LYPD6: variants seen among roughly 807,000 people sequenced by gnomAD.
LYPD6 encodes ly6/PLAUR domain-containing protein 6.
LYPD6 carries 15 observed loss-of-function variants against 22.7 expected under a neutral mutation model. That is an observed-to-expected ratio of 0.66 (90% CI 0.44 to 1.02). The LOEUF is 1.02. LYPD6 is among the 50% of genes least tolerant of loss of function. The probability of loss-of-function intolerance (pLI) is 0.00; values close to 1 mark genes in which losing one functional copy is unlikely to be tolerated. For synonymous variants in LYPD6, 72 were observed against 77.5 expected (o/e 0.93, Z 0.37); for missense variants, 189 against 208.4 (o/e 0.91, Z 0.57).
intron 1 of LYPD6, among the ~76,000 whole-genome samples, chr2:149,415,866 G>C (rs1026266364): frequency 1.3e-5 from 2 of 151,942 alleles, no homozygotes; most frequent in Non-Finnish European, 2.9e-5. Flanking sequence ...TTTTTGTAGA[G>C]ATGGGGTTTC....
At chr2:149,382,227 C>T (rs2105088865) in intron 1 of LYPD6, among the ~76,000 whole-genome samples, 1 of 152,188 alleles carries the variant, frequency 6.6e-6, no homozygotes, top group South Asian at 2.1e-4. Context: ...GTTATAATTT[C>T]CTTAAGTGCA....
chr2:149,336,884 C>T (rs907021484), intron 1 of LYPD6, among the ~76,000 whole-genome samples: 23 of 151,340 alleles, frequency 1.5e-4, no homozygotes, highest in East Asian at 7.7e-4. Flanking sequence ...GCCTTTTTCT[C>T]CCCTCTGAAT....
intron 3 of LYPD6, among the ~76,000 whole-genome samples, chr2:149,458,760 T>C (rs1681022833): frequency 1.3e-5 from 2 of 152,322 alleles, no homozygotes; most frequent in Middle Eastern, 3.4e-3. Flanking sequence ...AAATGGAAAT[T>C]GTACAATTGT....
intron 1 of LYPD6, among the ~76,000 whole-genome samples, chr2:149,371,449 A>C (rs1681807137): frequency 6.6e-6 from 1 of 152,212 alleles, no homozygotes; most frequent in African/African-American, 2.4e-5. Flanking sequence ...ATTCTAAAGC[A>C]GTATTTTTTC....
intron 1 of LYPD6, among the ~76,000 whole-genome samples, chr2:149,372,915 C>T (rs1019433565): frequency 6.6e-6 from 1 of 152,108 alleles, no homozygotes; most frequent in Non-Finnish European, 1.5e-5. Flanking sequence ...CCCATCATTC[C>T]CTAAGATTGC....
chr2:149,463,372 GA>G (rs1681128551), intron 3 of LYPD6, among the ~76,000 whole-genome samples: 1 of 152,006 alleles, frequency 6.6e-6, no homozygotes, highest in African/African-American at 2.4e-5. Context: ...TAAAGAATAA[GA>G]AAAATGCCAC....
chr2:149,462,533 G>A (rs1436591392), intron 3 of LYPD6, among the ~76,000 whole-genome samples: 1 of 150,594 alleles, frequency 6.6e-6, no homozygotes, highest in Non-Finnish European at 1.5e-5. Flanking sequence ...ATCCCAGGAA[G>A]ATTTTTTTTT....
At position 149,468,741 on chromosome 2, in the gene LYPD6, C is replaced by T; in HGVS notation, c.314C>T (p.Thr105Ile). The T allele has an allele frequency of 6.2e-7, 1 of 1,613,670 alleles. No homozygotes were observed. The change falls in exon 4 of 5, where the codon ACT becomes ATT. Residue 105 changes from threonine to isoleucine, a missense_variant. By Grantham distance (89) the Thr-to-Ile change is moderately conservative (BLOSUM62 -1). Coordinates refer to ENST00000334166, the MANE Select transcript of LYPD6 (RefSeq NM_194317.5). ...RCVPLEECLSTGCRDSEHEGH... is the reference protein window; with the variant it reads ...RCVPLEECLSIGCRDSEHEGH... Reference sequence around the variant, plus strand: ...GTCCCACTGGAAGAGTGCTTATCCACTGGCTGCAGAGACTCCGAGCATGAA... The same window carrying T: ...GTCCCACTGGAAGAGTGCTTATCCATTGGCTGCAGAGACTCCGAGCATGAA...
intron 1 of LYPD6, among the ~76,000 whole-genome samples, chr2:149,372,363 T>G (rs1173627752): frequency 2.0e-5 from 3 of 152,214 alleles, no homozygotes; most frequent in Non-Finnish European, 4.4e-5. Context: ...CTGTTTGAAT[T>G]TAAAGACTGG....
At chr2:149,412,422 A>T (rs1173313846) in intron 1 of LYPD6, among the ~76,000 whole-genome samples, 1 of 151,870 alleles carries the variant, frequency 6.6e-6, no homozygotes, top group Non-Finnish European at 1.5e-5. Flanking sequence ...TCATGATCTA[A>T]TCTTCAAGTT....
intron 3 of LYPD6, among the ~76,000 whole-genome samples, chr2:149,451,496 G>A (rs1245861872): frequency 6.6e-6 from 1 of 152,172 alleles, no homozygotes; most frequent in African/African-American, 2.4e-5. Context: ...AAAAAGGAAT[G>A]TGAACTGGTA....
At chr2:149,484,556 C>T in the LYPD6 span, among the ~76,000 whole-genome samples, 1 of 152,012 alleles carries the variant, frequency 6.6e-6, no homozygotes, top group African/African-American at 2.4e-5. Flanking sequence ...TAGCTACCCC[C>T]GTAGTCCATG....
intron 1 of LYPD6, among the ~76,000 whole-genome samples, chr2:149,348,993 G>C (rs189130932): frequency 6.6e-6 from 1 of 152,254 alleles, no homozygotes; most frequent in Non-Finnish European, 1.5e-5. Context: ...ATGCTTCTAA[G>C]GTTTGGGACC....
intron 1 of LYPD6, among the ~76,000 whole-genome samples, chr2:149,420,344 T>C (rs1215701633): frequency 6.6e-6 from 1 of 152,228 alleles, no homozygotes; most frequent in Non-Finnish European, 1.5e-5. Context: ...TTCTGGTTGC[T>C]CCATGCTGCC....
chr2:149,385,078 G>T (rs550784586), intron 1 of LYPD6, among the ~76,000 whole-genome samples: 1 of 151,976 alleles, frequency 6.6e-6, no homozygotes, highest in Non-Finnish European at 1.5e-5. Context: ...CAGTAGCTTC[G>T]TGGGACCATC....
intron 1 of LYPD6, among the ~76,000 whole-genome samples, chr2:149,353,446 G>A (rs1681394794): frequency 6.6e-6 from 1 of 152,168 alleles, no homozygotes; most frequent in Non-Finnish European, 1.5e-5. Flanking sequence ...GCCTTTAAAA[G>A]TTGTTTTGTC....
At chr2:149,437,225 A>G (rs115821243) in intron 1 of LYPD6, among the ~76,000 whole-genome samples, 1,754 of 152,226 alleles carry the variant, frequency 0.012, 35 homozygotes, top group African/African-American at 0.04. Flanking sequence ...ACAGGTTTGC[A>G]TGGACACCCG....
downstream of LYPD6, among the ~76,000 whole-genome samples, chr2:149,476,317 T>C (rs1281456306): frequency 6.6e-6 from 1 of 152,180 alleles, no homozygotes; most frequent in Non-Finnish European, 1.5e-5. Context: ...AGATTTTTCA[T>C]TCTAATATGA....
chr2:149,355,973 C>G (rs1414822879), intron 1 of LYPD6, among the ~76,000 whole-genome samples: 1 of 151,938 alleles, frequency 6.6e-6, no homozygotes, highest in South Asian at 2.1e-4. Context: ...CTGTGCCACC[C>G]CTCTGTTATG....
Sources: allele counts gnomAD v4.1 joint callset (sites outside exome capture counted in the v4.1 genomes callset), GRCh38; gene constraint gnomAD v4.1.1; transcripts MANE v1.5; gene names NCBI Gene and HGNC (gene_info 2026-07-23, HGNC 2026-07-21).